The following SMPX variants were observed in gnomAD, a reference collection of about 807,000 sequenced individuals.
The protein encoded by SMPX is small muscular protein.
SMPX carries 2 observed loss-of-function variants against 6.3 expected under a neutral mutation model. That is an observed-to-expected ratio of 0.32 (90% confidence interval 0.13 to 0.99). The LOEUF (loss-of-function observed/expected upper bound fraction) is 0.99. Ranked by LOEUF, SMPX falls within the 50% of genes least tolerant of loss-of-function variation. The pLI is 0.49. For missense variants in SMPX, 60 were observed against 66.8 expected (o/e 0.90, Z 0.36); for synonymous variants, 32 against 24.7 (o/e 1.30, Z -0.88).
At chrX:21,737,427 T>G (rs777415761) in intron 4 of SMPX, 122 bp downstream of exon 4, 74 of 664,821 alleles carry the variant, frequency 1.1e-4, no homozygotes, top group Non-Finnish European at 4.7e-6. Context: ...AATACTGACT[T>G]AAATTGAAGG....
chrX:21,748,952 A>C (rs1362538876), intron 2 of SMPX, among the ~76,000 whole-genome samples: 1 of 112,118 alleles, frequency 8.9e-6, no homozygotes, highest in Admixed American at 9.4e-5. Flanking sequence ...AATCCTACAC[A>C]GGAAATACTT....
At chrX:21,730,520 T>A (rs1455874556) in intron 4 of SMPX, among the ~76,000 whole-genome samples, 2 of 111,988 alleles carry the variant, frequency 1.8e-5, no homozygotes, top group Non-Finnish European at 3.8e-5. Context: ...TAAAAATACA[T>A]CTCCCTAACC....
chrX:21,721,621 T>C (rs781328541), intron 4 of SMPX, among the ~76,000 whole-genome samples: 1 of 112,302 alleles, frequency 8.9e-6, no homozygotes, highest in East Asian at 2.8e-4. Flanking sequence ...CCCAGGCCTA[T>C]CCTGCCACCC....
rs180923915 is a variant in SMPX at position 21,753,812 on chromosome X, A to G, written c.45+434T>C. On this transcript the variant is annotated intron_variant, in intron 2 of 4. Transcript: ENST00000379494. ...ATGAATTTTCAAAGATGAATACCCA[A>G]GCCCTGGGAAGAACACTTAACTACA... Among the ~76,000 whole-genome samples the G allele has an allele frequency of 2.4e-3, 269 of 112,171 alleles. 5 individuals are homozygous for G. The highest frequency in any genetic ancestry group is 0.018 in the Middle Eastern group (4 of 218).
chrX:21,714,514 T>C (rs2092782147), intron 4 of SMPX, among the ~76,000 whole-genome samples: 1 of 111,953 alleles, frequency 8.9e-6, no homozygotes, highest in Admixed American at 9.5e-5. Flanking sequence ...ACATTTTCTT[T>C]AGAATGGACT....
chrX:21,732,124 T>A (rs1452275483), intron 4 of SMPX, among the ~76,000 whole-genome samples: 1 of 111,259 alleles, frequency 9.0e-6, no homozygotes, highest in African/African-American at 3.3e-5. Context: ...TCAGTAGGAA[T>A]GATGGTGATG....
At chrX:21,718,581 A>G (rs1158317916) in intron 4 of SMPX, among the ~76,000 whole-genome samples, 1 of 112,408 alleles carries the variant, frequency 8.9e-6, no homozygotes, top group African/African-American at 3.2e-5. Context: ...AATTTGCAGT[A>G]TTTTCTGGGC....
chrX:21,743,784 G>C lies in SMPX; in HGVS notation c.98C>G (p.Pro33Arg). 6 of 1,209,637 alleles carry C rather than the reference G, an allele frequency of 5.0e-6. No homozygotes were observed. Among genetic ancestry groups the C allele is most frequent in the Non-Finnish European group, 6.7e-6 (6 of 893,878 alleles). ...GAFRPGAGQPPRRKECTPEVE... is the reference protein window; with the variant it reads ...GAFRPGAGQPRRRKECTPEVE... ...TTCAGGAGTACATTCTTTTCTTCTG[G>C]GGGGTTGACCTGCTCCTGGCCGAAA... Residue 33 changes from proline to arginine, a missense_variant, in exon 3 of 5, where the codon CCC (proline) becomes CGC (arginine). Coordinates refer to ENST00000379494, the MANE Select transcript of SMPX (RefSeq NM_014332.3).
intron 2 of SMPX, among the ~76,000 whole-genome samples, chrX:21,752,449 T>A (rs1029744455): frequency 2.7e-5 from 3 of 111,856 alleles, no homozygotes; most frequent in Non-Finnish European, 5.6e-5. Context: ...TCCTGAATGA[T>A]AATAATTCTA....
intron 4 of SMPX, among the ~76,000 whole-genome samples, chrX:21,707,086 GC>G (rs2092773789): frequency 9.5e-6 from 1 of 105,380 alleles, no homozygotes; most frequent in Admixed American, 1.1e-4. Flanking sequence ...AACCATCATC[GC>G]CCCATCCACA....
At chrX:21,718,527 C>G (rs1291451193) in intron 4 of SMPX, among the ~76,000 whole-genome samples, 2 of 112,184 alleles carry the variant, frequency 1.8e-5, no homozygotes, top group Non-Finnish European at 3.8e-5. Context: ...TGACCACATA[C>G]TGTTGGGCAA....
chrX:21,741,483 A>G lies in SMPX; in HGVS notation c.132+2267T>C, dbSNP rs186279794. Among the ~76,000 whole-genome samples the G allele has an allele frequency of 3.6e-5, 4 of 111,385 alleles. No individual in the cohort carries two copies. In the East Asian group the frequency reaches 1.1e-3, roughly 31 times the overall value. On this transcript the variant is annotated intron_variant, in intron 3 of 4. Transcript: ENST00000379494. The stretch of plus-strand genomic sequence containing the variant: ...TGCCTTAAAATGTGGCTGGGGCCTG[A>G]AGCTAATTGACAAAATCCTACTTAA...
intron 4 of SMPX, among the ~76,000 whole-genome samples, chrX:21,730,098 A>G (rs540864330): frequency 8.9e-6 from 1 of 112,679 alleles, no homozygotes; most frequent in South Asian, 3.6e-4. Context: ...GAAAAATATC[A>G]GCATAAAACC....
At chrX:21,719,697 C>T (rs948657080) in intron 4 of SMPX, among the ~76,000 whole-genome samples, 1 of 111,660 alleles carries the variant, frequency 9.0e-6, no homozygotes, top group Non-Finnish European at 1.9e-5. Context: ...TGTAGAGGTT[C>T]TGCCTTCCTC....
chrX:21,739,461 T>C (rs2092813927), intron 3 of SMPX, among the ~76,000 whole-genome samples: 1 of 112,191 alleles, frequency 8.9e-6, no homozygotes, highest in Admixed American at 9.5e-5. Flanking sequence ...ATGTGGACTA[T>C]ACCTGCTGTA....
At chrX:21,742,236 T>C (rs1016969875) in intron 3 of SMPX, among the ~76,000 whole-genome samples, 4 of 111,970 alleles carry the variant, frequency 3.6e-5, no homozygotes, top group African/African-American at 1.3e-4. Flanking sequence ...AATGAAGGTA[T>C]AGAAGAATTC....
At chrX:21,746,765 G>T (rs1234908588) in intron 2 of SMPX, among the ~76,000 whole-genome samples, 1 of 106,590 alleles carries the variant, frequency 9.4e-6, no homozygotes, top group Non-Finnish European at 1.9e-5. Context: ...GGCGTGCTTT[G>T]TCAGTTGTGG....
intron 4 of SMPX, among the ~76,000 whole-genome samples, chrX:21,719,374 C>T (rs1045092862): frequency 1.0e-4 from 11 of 110,422 alleles, no homozygotes; most frequent in Non-Finnish European, 2.1e-4. Flanking sequence ...AAAAATTAGC[C>T]GGATGTGGTG....
At chrX:21,731,747 T>C (rs1431385669) in intron 4 of SMPX, among the ~76,000 whole-genome samples, 3 of 105,180 alleles carry the variant, frequency 2.9e-5, no homozygotes, top group Non-Finnish European at 5.9e-5. Flanking sequence ...TGTGTATATG[T>C]ACACATTTGT....
Sources: allele counts gnomAD v4.1 joint callset (sites outside exome capture counted in the v4.1 genomes callset), GRCh38; gene constraint gnomAD v4.1.1; transcripts MANE v1.5; gene names NCBI Gene and HGNC (gene_info 2026-07-23, HGNC 2026-07-21).